GALNT7: variants seen among roughly 807,000 people sequenced by gnomAD.
GALNT7 encodes N-acetylgalactosaminyltransferase 7.
In GALNT7, 60 loss-of-function variants were observed where a neutral mutation model predicts 82.1. The ratio of observed to expected loss-of-function variants is 0.73; its 90% CI spans 0.59 to 0.91. The LOEUF is 0.91. GALNT7 is among the 40% of genes least tolerant of loss of function. The pLI is 0.00. For synonymous variants in GALNT7, 243 were observed against 275.1 expected (o/e 0.88, Z 1.15); for missense variants, 660 against 804.2 (o/e 0.82, Z 2.17).
intron 1 of GALNT7, among the ~76,000 whole-genome samples, chr4:173,169,830 G>A (rs1731794116): frequency 6.6e-6 from 1 of 151,932 alleles, no homozygotes; most frequent in Non-Finnish European, 1.5e-5. Context: ...GGGCTGCTTG[G>A]GCCGGAAAAC....
chr4:173,197,411 A>G lies in GALNT7; in HGVS notation c.126+28450A>G, dbSNP rs763035941. On this transcript the variant is annotated intron_variant, in intron 1 of 11. Transcript: ENST00000265000. ...TTTATACACCCTAGAGTGGACTTTT[A>G]TGATAAAAAGTAATTTACTTGTTAA... is the stretch of plus-strand genomic sequence containing the variant. Among the ~76,000 whole-genome samples the G allele has an allele frequency of 1.7e-3, 266 of 152,226 alleles. 5 individuals carry two copies. Among genetic ancestry groups the G allele is most frequent in the Admixed American group, 7.9e-4 (12 of 15,278 alleles).
At chr4:173,298,000 C>A (rs776790532) in intron 5 of GALNT7, 115 bp from the exon 6 acceptor site, 46 of 1,515,794 alleles carry the variant, frequency 3.0e-5, no homozygotes, top group Non-Finnish European at 3.7e-5. Context: ...ACTTTATTTT[C>A]TTATGTTGAA....
At chr4:173,200,308 T>C (rs1561151429) in intron 1 of GALNT7, among the ~76,000 whole-genome samples, 1 of 152,210 alleles carries the variant, frequency 6.6e-6, no homozygotes, top group Admixed American at 6.5e-5. Context: ...TTTCCCTTGA[T>C]TGTTTCAGGC....
intron 1 of GALNT7, among the ~76,000 whole-genome samples, chr4:173,227,345 G>A (rs1189077213): frequency 6.6e-6 from 1 of 151,896 alleles, no homozygotes; most frequent in Non-Finnish European, 1.5e-5. Context: ...TTTTGTTTTT[G>A]TTTTGAGACA....
intron 5 of GALNT7, 109 bp from the exon 6 acceptor site, chr4:173,298,006 T>G (rs767058025): frequency 6.5e-7 from 1 of 1,529,134 alleles, no homozygotes; most frequent in East Asian, 2.4e-5. Flanking sequence ...TTTTCTTATG[T>G]TGAATGTTTA....
intron 1 of GALNT7, 60 bp downstream of exon 1, chr4:173,169,021 G>C (rs573592932): frequency 6.4e-7 from 1 of 1,570,874 alleles, no homozygotes; most frequent in East Asian, 2.3e-5. Flanking sequence ...TTGTTTGCCC[G>C]CGTGTGGAGG....
intron 4 of GALNT7, 65 bp downstream of exon 4, chr4:173,295,591 T>G: frequency 6.8e-7 from 1 of 1,472,082 alleles, no homozygotes; most frequent in Non-Finnish European, 9.5e-7. Flanking sequence ...ATACACATTT[T>G]TAATCATTCT....
intron 8 of GALNT7, among the ~76,000 whole-genome samples, chr4:173,305,752 A>G (rs1035546320): frequency 3.3e-5 from 5 of 152,094 alleles, no homozygotes; most frequent in Admixed American, 6.5e-5. Context: ...CTTTTGGTCT[A>G]TGTGTCTGTT....
At chr4:173,313,901 A>AT (rs1371185973) in intron 8 of GALNT7, 57 bp from the exon 9 acceptor site, 1 of 802,692 alleles carries the variant, frequency 1.2e-6, no homozygotes, top group Non-Finnish European at 1.9e-6. Flanking sequence ...TAGGCTGTTT[A>AT]TGATATGACA....
intron 1 of GALNT7, among the ~76,000 whole-genome samples, chr4:173,203,689 G>A (rs1244053453): frequency 6.6e-6 from 1 of 151,974 alleles, no homozygotes; most frequent in East Asian, 1.9e-4. Context: ...GTTATAACAG[G>A]CTATTTTAAG....
At chr4:173,181,088 G>A (rs1162629631) in intron 1 of GALNT7, among the ~76,000 whole-genome samples, 1 of 152,132 alleles carries the variant, frequency 6.6e-6, no homozygotes, top group Admixed American at 6.5e-5. Context: ...TGACTACAAA[G>A]TGCTTTTTAG....
In GALNT7 at chr4:173,185,549, T is replaced by A. The variant is rs562114065; in HGVS notation, c.126+16588T>A. On this transcript the variant is annotated intron_variant, in intron 1 of 11. Coordinates refer to ENST00000265000, the MANE Select transcript of GALNT7 (RefSeq NM_017423.3). ...TACAGGTACTGCATTTCTTATTTTA[T>A]AATACTGCTTAAATGCTTCCTGTCC... Among the ~76,000 whole-genome samples the A allele has an allele frequency of 1.4e-4, 21 of 152,314 alleles. No homozygotes were observed. In the East Asian group the frequency reaches 3.5e-3, roughly 25 times the overall value.
chr4:173,322,873 T>C lies in GALNT7; in HGVS notation c.*1156T>C, dbSNP rs1167992653. 3.3e-5 allele frequency: 5 copies of C among 152,202 alleles called. No homozygotes were observed. Among genetic ancestry groups the C allele is most frequent in the Admixed American group, 1.3e-4 (2 of 15,278 alleles). 9.4% of individuals were successfully genotyped at this position (152,202 alleles called of 1,614,324 possible). On this transcript the variant is annotated 3_prime_UTR_variant, in exon 12 of 12. Transcript: ENST00000265000. ...TTTAAAATTTAAAAACAAAGGACTA[T>C]TTAAAAATACAGTTTATTAACAAAC...
intron 1 of GALNT7, among the ~76,000 whole-genome samples, chr4:173,185,025 C>A (rs1732422778): frequency 6.6e-6 from 1 of 152,178 alleles, no homozygotes; most frequent in Admixed American, 6.5e-5. Flanking sequence ...AATCCATGGA[C>A]CAGTACTGAT....
intron 1 of GALNT7, among the ~76,000 whole-genome samples, chr4:173,218,723 T>A (rs759183142): frequency 6.6e-5 from 10 of 152,228 alleles, no homozygotes; most frequent in Non-Finnish European, 1.5e-4. Flanking sequence ...GCTTAGAGTT[T>A]GTGGTAAATA....
At chr4:173,191,190 G>A (rs558787510) in intron 1 of GALNT7, among the ~76,000 whole-genome samples, 5 of 151,920 alleles carry the variant, frequency 3.3e-5, no homozygotes, top group East Asian at 1.9e-4. Context: ...TCACAAAAGC[G>A]CCTGGCAAGT....
chr4:173,309,757 A>G (rs1305341639), intron 8 of GALNT7, among the ~76,000 whole-genome samples: 3 of 152,126 alleles, frequency 2.0e-5, no homozygotes, highest in African/African-American at 4.8e-5. Context: ...CATCCTTCTC[A>G]TTGGCCAAAT....
At chr4:173,223,142 C>T (rs945156695) in intron 1 of GALNT7, among the ~76,000 whole-genome samples, 1 of 152,104 alleles carries the variant, frequency 6.6e-6, no homozygotes, top group Non-Finnish European at 1.5e-5. Flanking sequence ...TCAAAAGCTG[C>T]CTGATAAGTG....
intron 2 of GALNT7, among the ~76,000 whole-genome samples, chr4:173,249,459 A>G (rs1397871991): frequency 6.6e-6 from 1 of 152,188 alleles, no homozygotes; most frequent in Non-Finnish European, 1.5e-5. Flanking sequence ...GATGAGTGAA[A>G]TGTGCAAAGA....
Sources: allele counts gnomAD v4.1 joint callset (sites outside exome capture counted in the v4.1 genomes callset), GRCh38; gene constraint gnomAD v4.1.1; transcripts MANE v1.5; gene names NCBI Gene and HGNC (gene_info 2026-07-23, HGNC 2026-07-21).